The following HMGCLL1 variants were observed in gnomAD, a reference collection of about 807,000 sequenced individuals.
The protein encoded by HMGCLL1 is 3-hydroxymethyl-3-methylglutaryl-CoA lyase, cytoplasmic.
A neutral mutation model predicts 39.1 loss-of-function variants in HMGCLL1; 36 were observed. The ratio of observed to expected loss-of-function variants is 0.92; its 90% confidence interval spans 0.71 to 1.22. The LOEUF is 1.22. Ranked by LOEUF, HMGCLL1 falls within the 50% of genes most tolerant of loss-of-function variation. The pLI, the probability that HMGCLL1 is intolerant of heterozygous loss-of-function variation, is 0.00. For synonymous variants in HMGCLL1, 149 were observed against 144.0 expected, an observed-to-expected ratio of 1.03 and a Z score of -0.25; for missense variants, 451 against 416.5, an observed-to-expected ratio of 1.08 and a Z score of -0.72.
chr6:55,602,874 G>C, the HMGCLL1 span, among the ~76,000 whole-genome samples: 1 of 152,018 alleles, frequency 6.6e-6, no homozygotes, highest in Non-Finnish European at 1.5e-5. Context: ...CTTGTTTAAA[G>C]GCATGTAATT....
At chr6:55,573,331 A>G (rs1483937823) in intron 1 of HMGCLL1, among the ~76,000 whole-genome samples, 12 of 152,176 alleles carry the variant, frequency 7.9e-5, no homozygotes, top group Admixed American at 3.3e-4. Flanking sequence ...GGTGTCTAAC[A>G]TATTATTTAA....
At chr6:55,668,502 C>T in the HMGCLL1 span, among the ~76,000 whole-genome samples, 5 of 151,774 alleles carry the variant, frequency 3.3e-5, no homozygotes, top group South Asian at 2.1e-4. Flanking sequence ...TCTCACTTTA[C>T]GTAACTATAA....
At chr6:55,467,219 T>C (rs1439637570) in intron 7 of HMGCLL1, among the ~76,000 whole-genome samples, 2 of 152,116 alleles carry the variant, frequency 1.3e-5, no homozygotes, top group Non-Finnish European at 2.9e-5. Context: ...GGTCTCACTT[T>C]AAGACACGTG....
the HMGCLL1 span, among the ~76,000 whole-genome samples, chr6:55,617,575 A>G: frequency 6.6e-6 from 1 of 152,114 alleles, no homozygotes; most frequent in Non-Finnish European, 1.5e-5. Context: ...TTAAAAGTTA[A>G]GGTGGAAGCT....
chr6:55,475,347 C>G (rs188522676), intron 7 of HMGCLL1, among the ~76,000 whole-genome samples: 484 of 151,684 alleles, frequency 3.2e-3, no homozygotes, highest in Middle Eastern at 0.024. Context: ...TAGCGACCCC[C>G]TTAAAACTCT....
chr6:55,461,536 A>G (rs1312028064), intron 7 of HMGCLL1, among the ~76,000 whole-genome samples: 1 of 152,086 alleles, frequency 6.6e-6, no homozygotes, highest in Non-Finnish European at 1.5e-5. Context: ...GAATAAGGTA[A>G]GAACAAGAAT....
the HMGCLL1 span, among the ~76,000 whole-genome samples, chr6:55,655,829 T>C: frequency 8.6e-5 from 13 of 152,020 alleles, no homozygotes; most frequent in Non-Finnish European, 1.6e-4. Context: ...ACATTTGAAA[T>C]TTTTAACAAT....
the HMGCLL1 span, among the ~76,000 whole-genome samples, chr6:55,626,295 C>T: frequency 1.5e-3 from 230 of 152,196 alleles, 2 homozygotes; most frequent in African/African-American, 4.6e-3. Flanking sequence ...ATGCCTTATC[C>T]GCTGTCATGG....
intron 6 of HMGCLL1, 43 bp downstream of exon 6, chr6:55,499,193 T>C (rs1334841565): frequency 6.9e-7 from 1 of 1,459,022 alleles, no homozygotes; most frequent in Non-Finnish European, 9.5e-7. Flanking sequence ...AAATAATATA[T>C]ATCATGTTAC....
chr6:55,468,850 G>C (rs1376596438), intron 7 of HMGCLL1, among the ~76,000 whole-genome samples: 1 of 151,832 alleles, frequency 6.6e-6, no homozygotes, highest in African/African-American at 2.4e-5. Context: ...AAAATCATGA[G>C]TTGATTTATC....
At chr6:55,596,220 G>A in the HMGCLL1 span, among the ~76,000 whole-genome samples, 3 of 152,092 alleles carry the variant, frequency 2.0e-5, no homozygotes, top group Non-Finnish European at 4.4e-5. Context: ...GCAGCTACTC[G>A]GGAGGCTGAG....
chr6:55,530,951 T>C (rs1768629908), intron 3 of HMGCLL1, among the ~76,000 whole-genome samples: 1 of 152,248 alleles, frequency 6.6e-6, no homozygotes, highest in Non-Finnish European at 1.5e-5. Context: ...AAATAACTGC[T>C]ATGATATGTT....
At chr6:55,499,120 G>A (rs961130648) in intron 6 of HMGCLL1, 116 bp downstream of exon 6, 12 of 688,512 alleles carry the variant, frequency 1.7e-5, no homozygotes, top group South Asian at 7.3e-5. Context: ...TTCAGGGTTC[G>A]CCTCTTAATC....
At chr6:55,453,145 T>G (rs1764175121) in intron 7 of HMGCLL1, among the ~76,000 whole-genome samples, 1 of 152,070 alleles carries the variant, frequency 6.6e-6, no homozygotes, top group Admixed American at 6.5e-5. Context: ...AAGCATGTAC[T>G]AAGAAGTTTG....
At chr6:55,672,784 T>A in the HMGCLL1 span, among the ~76,000 whole-genome samples, 1 of 151,898 alleles carries the variant, frequency 6.6e-6, no homozygotes, top group African/African-American at 2.4e-5. Flanking sequence ...TCCACTTGAG[T>A]TTTCCATTGT....
At chr6:55,558,272 T>C (rs892563889) in intron 1 of HMGCLL1, among the ~76,000 whole-genome samples, 6 of 152,196 alleles carry the variant, frequency 3.9e-5, no homozygotes, top group African/African-American at 7.2e-5. Flanking sequence ...GAAAGCTTCT[T>C]AAAATGAGGG....
the HMGCLL1 span, among the ~76,000 whole-genome samples, chr6:55,589,424 T>C: frequency 6.5e-3 from 987 of 152,260 alleles, 8 homozygotes; most frequent in African/African-American, 0.023. Flanking sequence ...GAGCTATTTA[T>C]GACAAACCCA....
chr6:55,459,280 T>A (rs1764454699), intron 7 of HMGCLL1, among the ~76,000 whole-genome samples: 1 of 152,104 alleles, frequency 6.6e-6, no homozygotes, highest in Admixed American at 6.6e-5. Flanking sequence ...AATGTATACA[T>A]GAATAATTAA....
At chr6:55,481,452 AC>A (rs1765738056) in intron 7 of HMGCLL1, among the ~76,000 whole-genome samples, 1 of 152,122 alleles carries the variant, frequency 6.6e-6, no homozygotes, top group Non-Finnish European at 1.5e-5. Flanking sequence ...GGTGATAGAT[AC>A]CCCATTTATC....
Sources: gnomAD v4.1 joint callset for allele counts (sites outside exome capture counted in the v4.1 genomes callset) on GRCh38, gnomAD v4.1.1 for gene constraint, MANE v1.5 for transcripts, NCBI Gene and HGNC (gene_info 2026-07-23, HGNC 2026-07-21) for gene names.